GRID2: variants seen among roughly 807,000 people sequenced by gnomAD.
The protein encoded by GRID2 is glutamate ionotropic receptor delta type subunit 2.
In GRID2, 33 loss-of-function variants were observed where a neutral mutation model predicts 114.8. The observed-to-expected ratio is 0.29, with a 90% CI of 0.22 to 0.38. The LOEUF (loss-of-function observed/expected upper bound fraction) is 0.38, where lower values mean the gene tolerates loss of function less well. Among genes scored for constraint, GRID2 ranks in the 10% least tolerant of loss-of-function variants. The pLI is 1.00. For missense variants in GRID2, 1,184 were observed against 1,257.7 expected (o/e 0.94, Z 0.89); for synonymous variants, 505 against 449.9 (o/e 1.12, Z -1.55).
chr4:92,504,035 C>A (rs1723827473), intron 1 of GRID2, among the ~76,000 whole-genome samples: 1 of 151,970 alleles, frequency 6.6e-6, no homozygotes, highest in Admixed American at 6.6e-5. Flanking sequence ...ATGTGTAGTA[C>A]ATTATTAATT....
chr4:92,895,349 C>T (rs1747082566), intron 2 of GRID2, among the ~76,000 whole-genome samples: 1 of 127,140 alleles, frequency 7.9e-6, no homozygotes, highest in South Asian at 2.4e-4. Context: ...TAAGCCAAAA[C>T]CCAAAGAGCT....
chr4:93,105,063 G>A (rs1374213113), intron 3 of GRID2, among the ~76,000 whole-genome samples: 1 of 152,044 alleles, frequency 6.6e-6, no homozygotes, highest in Non-Finnish European at 1.5e-5. Context: ...GGCCAGTGAT[G>A]ATGAGCATTT....
chr4:92,530,227 C>T (rs1725266458), intron 1 of GRID2, among the ~76,000 whole-genome samples: 1 of 151,698 alleles, frequency 6.6e-6, no homozygotes, highest in African/African-American at 2.4e-5. Flanking sequence ...AGGTGATAGT[C>T]ATTGATGAAT....
chr4:93,264,696 T>G (rs1185528062), intron 8 of GRID2, among the ~76,000 whole-genome samples: 3 of 108,504 alleles, frequency 2.8e-5, no homozygotes, highest in African/African-American at 4.2e-5. Flanking sequence ...GGAGTTATGT[T>G]TGAGTTTTGA....
At chr4:92,983,520 T>A (rs556757731) in intron 2 of GRID2, among the ~76,000 whole-genome samples, 1 of 152,250 alleles carries the variant, frequency 6.6e-6, no homozygotes, top group South Asian at 2.1e-4. Flanking sequence ...TTGACATATC[T>A]CATTTTTTTG....
At chr4:93,497,084 T>C (rs1727625461) in intron 12 of GRID2, among the ~76,000 whole-genome samples, 1 of 151,514 alleles carries the variant, frequency 6.6e-6, no homozygotes, top group Non-Finnish European at 1.5e-5. Flanking sequence ...GATAGGTATG[T>C]GGTGATGTCT....
chr4:93,504,800 A>G (rs1560691360), intron 12 of GRID2, among the ~76,000 whole-genome samples: 1 of 151,138 alleles, frequency 6.6e-6, no homozygotes, highest in Non-Finnish European at 1.5e-5. Context: ...AATACAAGAG[A>G]AAAAAAAATG....
intron 3 of GRID2, among the ~76,000 whole-genome samples, chr4:93,107,713 C>G (rs1013653522): frequency 1.3e-5 from 2 of 151,838 alleles, no homozygotes; most frequent in Admixed American, 6.6e-5. Context: ...AGGCTGGTCT[C>G]GAACTCCTGG....
intron 1 of GRID2, among the ~76,000 whole-genome samples, chr4:92,562,789 A>G (rs997551489): frequency 2.6e-5 from 4 of 152,170 alleles, no homozygotes; most frequent in Admixed American, 1.3e-4. Context: ...TAAAAATTCA[A>G]TTTATCTTTA....
chr4:93,697,275 A>C lies in GRID2; in HGVS notation c.2360+70840A>C, dbSNP rs141281075. 2.7e-3 allele frequency among the ~76,000 whole-genome samples: 404 copies of C among 152,282 alleles called. 1 individual carries two copies. The highest frequency in any genetic ancestry group is 8.6e-3 in the African/African-American group (359 of 41,576). On this transcript the variant is annotated intron_variant, in intron 14 of 15. Coordinates refer to ENST00000282020, the MANE Select transcript of GRID2 (RefSeq NM_001510.4). ...GGGAAATAATTCTTTTCTGAAAAGA[A>C]GTAGACTAGTTTGTGGGCTCTTAGA...
chr4:93,315,847 G>A lies in GRID2; in HGVS notation c.1245+77357G>A, dbSNP rs570991548. On this transcript the variant is annotated intron_variant, in intron 8 of 15. Coordinates refer to ENST00000282020, the MANE Select transcript of GRID2 (RefSeq NM_001510.4). ...AACAGAGTTCCTACTTTAGGTTCAG[G>A]CACTGACACCAGGAGGTCCTTAAAG... Among the ~76,000 whole-genome samples, 3 of 152,164 alleles carry A rather than the reference G, an allele frequency of 2.0e-5. No individual in the cohort carries two copies. The South Asian group carries it at 6.2e-4, about 32-fold the overall frequency.
intron 2 of GRID2, among the ~76,000 whole-genome samples, chr4:92,748,676 ATTT>A (rs1434246783): frequency 6.5e-5 from 9 of 139,482 alleles, no homozygotes; most frequent in African/African-American, 2.4e-4. Flanking sequence ...TATTATTATT[ATTT>A]GAGATGGAGT....
chr4:93,316,234 T>C (rs1756570953), intron 8 of GRID2, among the ~76,000 whole-genome samples: 1 of 147,880 alleles, frequency 6.8e-6, no homozygotes, highest in African/African-American at 2.5e-5. Context: ...GCTTGTTGCA[T>C]TTCAACAAGG....
At chr4:93,682,793 A>AG (rs1198565906) in intron 14 of GRID2, among the ~76,000 whole-genome samples, 1 of 83,938 alleles carries the variant, frequency 1.2e-5, no homozygotes, top group African/African-American at 4.6e-5. Context: ...GGGTTGGGGG[A>AG]GGGGGGAGGG....
At chr4:92,713,476 C>CATATAT (rs10593127) in intron 2 of GRID2, among the ~76,000 whole-genome samples, 610 of 53,920 alleles carry the variant, frequency 0.011, 15 homozygotes, top group Middle Eastern at 0.018. Flanking sequence ...TATACATATA[C>CATATAT]ATATATATAT....
At chr4:93,496,025 G>A (rs549297101) in intron 12 of GRID2, among the ~76,000 whole-genome samples, 6 of 151,262 alleles carry the variant, frequency 4.0e-5, no homozygotes, top group East Asian at 2.0e-4. Context: ...TCTACTATTC[G>A]TGGGCCCCAT....
rs1380158481 is a variant in GRID2, at chr4:93,238,440, GA to G, written c.1198del (p.Ile400SerfsTer26). On this transcript the variant is annotated frameshift_variant, in exon 8 of 16. Transcript: ENST00000282020. LOFTEE classifies it high-confidence loss of function. ...ENGGNPNVHF[E>X]ILGTNYGEEL... ...TGGAGGCAATCCCAATGTCCACTTT[GA>G]AATCCTTGGAACCAACTATGGAGAA... 1 of 1,609,632 alleles carries G rather than the reference GA, an allele frequency of 6.2e-7. No individual in the cohort carries two copies. Among genetic ancestry groups the G allele is most frequent in the Non-Finnish European group, 8.5e-7 (1 of 1,176,644 alleles).
intron 13 of GRID2, among the ~76,000 whole-genome samples, chr4:93,558,821 A>G (rs944091550): frequency 2.6e-5 from 4 of 152,206 alleles, no homozygotes; most frequent in Admixed American, 6.5e-5. Flanking sequence ...ATGAACATCA[A>G]TGTGAAAATC....
At chr4:92,793,988 A>C (rs1739721521) in intron 2 of GRID2, among the ~76,000 whole-genome samples, 1 of 151,920 alleles carries the variant, frequency 6.6e-6, no homozygotes, top group South Asian at 2.1e-4. Flanking sequence ...GGAATTAGTC[A>C]CACATTAGAG....
Sources: allele counts gnomAD v4.1 joint callset (sites outside exome capture counted in the v4.1 genomes callset), GRCh38; gene constraint gnomAD v4.1.1; transcripts MANE v1.5; gene names NCBI Gene and HGNC (gene_info 2026-07-23, HGNC 2026-07-21).